AFF3: variants seen among roughly 807,000 people sequenced by gnomAD.
AFF3 encodes ALF transcription elongation factor 3, also known as AF4/FMR2 family member 3.
A neutral mutation model predicts 129.7 loss-of-function variants in AFF3; 32 were observed. The ratio of observed to expected loss-of-function variants is 0.25; its 90% CI spans 0.19 to 0.33. The LOEUF is 0.33. AFF3 is among the 10% of genes least tolerant of loss of function. AFF3 has a pLI of 1.00. For synonymous variants in AFF3, 644 were observed against 635.4 expected (o/e 1.01, Z -0.20); for missense variants, 1,373 against 1,592.0 (o/e 0.86, Z 2.34).
At chr2:99,897,558 C>T (rs2106122946) in intron 7 of AFF3, among the ~76,000 whole-genome samples, 1 of 152,304 alleles carries the variant, frequency 6.6e-6, no homozygotes, top group Middle Eastern at 3.4e-3. Context: ...TGACCTCCCA[C>T]TGCCCACACC....
At chr2:99,894,764 T>C (rs1693820867) in intron 7 of AFF3, among the ~76,000 whole-genome samples, 1 of 152,110 alleles carries the variant, frequency 6.6e-6, no homozygotes, top group Non-Finnish European at 1.5e-5. Context: ...CGTGAGCCAC[T>C]GCACCCGGCC....
rs1466421341 is a variant in AFF3, at chr2:99,549,976, T to G, written c.*1498A>C. ...TTCTCAGACCGTCCTGGTGCAACTTTATCAAGTAAGAGGCCACAAGGACAT... is the reference window on the plus strand; with the variant it reads ...TTCTCAGACCGTCCTGGTGCAACTTGATCAAGTAAGAGGCCACAAGGACAT... On this transcript the variant is annotated 3_prime_UTR_variant, in exon 25 of 25. Transcript: ENST00000672756. 4.4e-6 allele frequency: 1 copy of G among 228,484 alleles called. No homozygotes were observed. Among genetic ancestry groups the G allele is most frequent in the African/African-American group, 2.2e-5 (1 of 45,078 alleles). The allele number at this position is 228,484 out of a possible 1,614,324, so 14.2% of individuals were successfully genotyped here. A position where few individuals can be genotyped will look rare whatever the true frequency, so the allele number is the denominator to read the frequency against.
intron 7 of AFF3, among the ~76,000 whole-genome samples, chr2:99,883,323 C>T (rs1444720401): frequency 1.3e-5 from 2 of 152,090 alleles, no homozygotes; most frequent in African/African-American, 4.8e-5. Context: ...AAAAAATTCC[C>T]ATTAAAGAAG....
chr2:100,006,554 T>A, intron 7 of AFF3, 78 bp downstream of exon 7: 2 of 1,474,976 alleles, frequency 1.4e-6, no homozygotes, highest in Non-Finnish European at 9.0e-7. Flanking sequence ...AAAAGAAACA[T>A]GGAAACTGAA....
chr2:99,618,048 T>C (rs1227245934), intron 13 of AFF3, among the ~76,000 whole-genome samples: 2 of 152,066 alleles, frequency 1.3e-5, no homozygotes, highest in Non-Finnish European at 2.9e-5. Context: ...GGATGGTGCA[T>C]AGTCAGACAG....
intron 18 of AFF3, among the ~76,000 whole-genome samples, chr2:99,573,799 G>A (rs1057485275): frequency 6.6e-6 from 1 of 152,196 alleles, no homozygotes; most frequent in Non-Finnish European, 1.5e-5. Flanking sequence ...GGGACGTTTG[G>A]TGGTTTGGCT....
intron 4 of AFF3, among the ~76,000 whole-genome samples, chr2:100,063,921 A>T (rs1821829): frequency 1.3e-5 from 2 of 151,514 alleles, no homozygotes; most frequent in Non-Finnish European, 2.9e-5. Flanking sequence ...GAAACCCCAT[A>T]TCTACTAAAA....
At chr2:100,042,711 A>C (rs968870236) in intron 4 of AFF3, among the ~76,000 whole-genome samples, 12 of 152,238 alleles carry the variant, frequency 7.9e-5, no homozygotes, top group Non-Finnish European at 1.6e-4. Context: ...TCATATGGAA[A>C]TGCTAATGAC....
At chr2:99,563,784 T>C (rs1675706885) in intron 20 of AFF3, among the ~76,000 whole-genome samples, 1 of 113,582 alleles carries the variant, frequency 8.8e-6, no homozygotes, top group Admixed American at 1.3e-4. Flanking sequence ...CACTCCAGCC[T>C]GGGCAGTAAG....
At chr2:99,563,322 C>T in intron 20 of AFF3, among the ~76,000 whole-genome samples, 1 of 151,670 alleles carries the variant, frequency 6.6e-6, no homozygotes, top group East Asian at 2.0e-4. Flanking sequence ...TCCTGAGTAG[C>T]TAGGACTACA....
intron 4 of AFF3, among the ~76,000 whole-genome samples, chr2:100,026,559 G>C (rs184397047): frequency 1.8e-3 from 275 of 152,168 alleles, no homozygotes; most frequent in African/African-American, 6.1e-3. Context: ...TATCTACCCA[G>C]AGGAAAAGAA....
chr2:99,598,975 C>A (rs965816510), intron 14 of AFF3, among the ~76,000 whole-genome samples: 1 of 152,232 alleles, frequency 6.6e-6, no homozygotes, highest in African/African-American at 2.4e-5. Context: ...GCAGAAAGAA[C>A]GAACGTGCAG....
intron 7 of AFF3, among the ~76,000 whole-genome samples, chr2:99,986,405 C>G (rs920845433): frequency 1.3e-5 from 2 of 151,786 alleles, no homozygotes; most frequent in Non-Finnish European, 2.9e-5. Flanking sequence ...CCATTTTTAT[C>G]AAGTCATAAG....
intron 7 of AFF3, among the ~76,000 whole-genome samples, chr2:99,963,145 T>G (rs550087776): frequency 1.3e-5 from 2 of 152,128 alleles, no homozygotes; most frequent in Admixed American, 1.3e-4. Flanking sequence ...CTGACATTTG[T>G]CAAATACTGA....
At chr2:99,626,154 T>C (rs945438375) in intron 13 of AFF3, among the ~76,000 whole-genome samples, 3 of 152,150 alleles carry the variant, frequency 2.0e-5, no homozygotes, top group Non-Finnish European at 2.9e-5. Context: ...TTGGTAGAAA[T>C]GTTGGAATTT....
chr2:99,928,608 T>C (rs1342644209), intron 7 of AFF3, among the ~76,000 whole-genome samples: 1 of 152,232 alleles, frequency 6.6e-6, no homozygotes, highest in African/African-American at 2.4e-5. Context: ...TGTATCTGTG[T>C]AAACTAAGTT....
chr2:99,923,337 C>A (rs1280866930), intron 7 of AFF3, among the ~76,000 whole-genome samples: 2 of 152,188 alleles, frequency 1.3e-5, no homozygotes, highest in Non-Finnish European at 2.9e-5. Context: ...ATTTGTGATG[C>A]TTACCACAGT....
intron 11 of AFF3, among the ~76,000 whole-genome samples, chr2:99,716,751 C>T (rs948642305): frequency 2.0e-5 from 3 of 151,896 alleles, no homozygotes; most frequent in African/African-American, 7.3e-5. Context: ...CGTTGTGGTG[C>T]TTCCCTGTAA....
rs56822945 is a variant in AFF3, at chr2:99,866,370, G to C, written c.874-28846C>G. 4.6e-3 allele frequency among the ~76,000 whole-genome samples: 706 copies of C among 152,308 alleles called. 5 individuals carry two copies. The highest frequency in any genetic ancestry group is 0.016 in the African/African-American group (661 of 41,580). On this transcript the variant is annotated intron_variant, in intron 7 of 24. Coordinates refer to ENST00000672756, the MANE Select transcript of AFF3 (RefSeq NM_001386135.1). ...CCAGGAGACCTGCAAAAATAGGCTT[G>C]AAGACCTCATCATCAGAAAAAAAGC...
Sources: allele counts gnomAD v4.1 joint callset (sites outside exome capture counted in the v4.1 genomes callset), GRCh38; gene constraint gnomAD v4.1.1; transcripts MANE v1.5; gene names NCBI Gene and HGNC (gene_info 2026-07-23, HGNC 2026-07-21).